The following IFNAR1 variants were observed in gnomAD, a reference collection of about 807,000 sequenced individuals.
IFNAR1 encodes interferon alpha and beta receptor subunit 1, also known as interferon alpha/beta receptor 1.
Under a neutral mutation model 62.1 loss-of-function variants are expected in IFNAR1, and 47 were observed. That is an observed-to-expected ratio of 0.76 (90% CI 0.60 to 0.97). The LOEUF (loss-of-function observed/expected upper bound fraction) is 0.97. Ranked by LOEUF, IFNAR1 falls within the 50% of genes least tolerant of loss-of-function variation. The pLI, the probability that IFNAR1 is intolerant of heterozygous loss-of-function variation, is 0.00. For missense variants in IFNAR1, 638 were observed against 654.5 expected, an observed-to-expected ratio of 0.97 and a Z score of 0.27; for synonymous variants, 219 against 226.9, an observed-to-expected ratio of 0.97 and a Z score of 0.31.
In IFNAR1 at chr21:33,355,547, T is replaced by C. The variant is rs1295768901; in HGVS notation, c.1672T>C (p.Ter558ArgextTer48). The C allele has an allele frequency of 6.5e-7, 1 of 1,528,154 alleles. No individual in the cohort carries two copies. Among genetic ancestry groups the C allele is most frequent in the Non-Finnish European group, 8.9e-7 (1 of 1,118,504 alleles). 94.7% of individuals were successfully genotyped at this position (1,528,154 alleles called of 1,614,324 possible). A position where few individuals can be genotyped will look rare whatever the true frequency, so the allele number is the denominator to read the frequency against. The change falls in exon 11 of 11, where the codon TGA becomes CGA. Residue 558 changes from the stop codon to arginine (R), a stop_lost. Coordinates refer to ENST00000270139, the MANE Select transcript of IFNAR1 (RefSeq NM_000629.3). ...TGAAGAACTACAGCAGGACTTTGTA[T>C]GACCAGAAATGAACTGTGTCAAGTA... Reference protein sequence around the residue: ...TSEELQQDFV* With the variant: ...TSEELQQDFVR
At chr21:33,338,385 TTC>T (rs201994239) in intron 2 of IFNAR1, among the ~76,000 whole-genome samples, 1 of 78 alleles carries the variant, frequency 0.013, no homozygotes, top group African/African-American at 0.038. Context: ...ATACAAAAAC[TTC>T]AGCCGGATGT....
intron 3 of IFNAR1, among the ~76,000 whole-genome samples, chr21:33,342,571 G>A (rs1448573393): frequency 2.0e-5 from 3 of 151,862 alleles, no homozygotes; most frequent in Non-Finnish European, 4.4e-5. Context: ...TTGGCCAGGC[G>A]CGGTGGCTCA....
At chr21:33,335,493 A>G (rs765247109) in intron 1 of IFNAR1, 31 bp from the exon 2 acceptor site, 3 of 1,343,554 alleles carry the variant, frequency 2.2e-6, no homozygotes, top group South Asian at 1.2e-5. Flanking sequence ...CAGTTTGTAT[A>G]TAATGTTCTT....
At chr21:33,330,749 G>A (rs889487348) in intron 1 of IFNAR1, among the ~76,000 whole-genome samples, 1 of 152,186 alleles carries the variant, frequency 6.6e-6, no homozygotes, top group African/African-American at 2.4e-5. Flanking sequence ...CATGGAGAAT[G>A]GGAGGAAATG....
rs1017624258 is a variant in IFNAR1 at position 33,338,748 on chromosome 21, G to GT, written c.201-2239dup. Among the ~76,000 whole-genome samples, 146 of 144,434 alleles carry GT rather than the reference G, an allele frequency of 1.0e-3. 1 individual carries two copies. Among genetic ancestry groups the GT allele is most frequent in the Middle Eastern group, 7.1e-3 (2 of 280 alleles). 94.8% of individuals were successfully genotyped at this position (144,434 alleles called of 152,430 possible). A position where few individuals can be genotyped will look rare whatever the true frequency, so the allele number is the denominator to read the frequency against. On this transcript the variant is annotated intron_variant, in intron 2 of 10. Transcript: ENST00000270139. ...TATGATAATAGTTTTTTTGTTGTTG[G>GT]TTTTTTTTTTTTGAGACGGAGTCTT...
At chr21:33,332,076 T>C (rs564244600) in intron 1 of IFNAR1, among the ~76,000 whole-genome samples, 4 of 152,278 alleles carry the variant, frequency 2.6e-5, no homozygotes, top group East Asian at 3.9e-4. Flanking sequence ...TACCTTCATC[T>C]GGAATCAAGA....
chr21:33,352,605 AAAAAAC>A (rs2083408865), intron 8 of IFNAR1, among the ~76,000 whole-genome samples, 147 bp from the exon 9 acceptor site: 1 of 150,380 alleles, frequency 6.6e-6, no homozygotes, highest in African/African-American at 2.5e-5. Context: ...TGTCTCACAA[AAAAAAC>A]AAAACAAAAC....
chr21:33,331,121 G>A (rs181146879), intron 1 of IFNAR1, among the ~76,000 whole-genome samples: 50 of 152,294 alleles, frequency 3.3e-4, no homozygotes, highest in Admixed American at 1.1e-3. Context: ...TAAACTTTAA[G>A]CAGCTGTTAC....
intron 5 of IFNAR1, 63 bp downstream of exon 5, chr21:33,343,739 T>C: frequency 8.9e-7 from 1 of 1,121,844 alleles, no homozygotes; most frequent in African/African-American, 1.6e-5. Context: ...TTTTGGCATC[T>C]TCCCCATATT....
intron 1 of IFNAR1, among the ~76,000 whole-genome samples, chr21:33,331,289 T>C (rs977564967): frequency 6.6e-6 from 1 of 152,106 alleles, no homozygotes; most frequent in Non-Finnish European, 1.5e-5. Context: ...TGAAGTGGTA[T>C]ACGGCATTCC....
chr21:33,351,885 CAG>C (rs1320132784), intron 8 of IFNAR1, among the ~76,000 whole-genome samples: 1 of 151,906 alleles, frequency 6.6e-6, no homozygotes, highest in Non-Finnish European at 1.5e-5. Flanking sequence ...CTTGTACAGA[CAG>C]AGTCTAGCTA....
rs2052651615 is a variant in IFNAR1 at position 33,358,331 on chromosome 21, C to T, written c.*2782C>T. The T allele has an allele frequency of 6.6e-6, 1 of 152,138 alleles. No individual in the cohort carries two copies. The highest frequency in any genetic ancestry group is 2.4e-5 in the African/African-American group (1 of 41,430). 9.4% of individuals were successfully genotyped at this position (152,138 alleles called of 1,614,324 possible). A position where few individuals can be genotyped will look rare whatever the true frequency, so the allele number is the denominator to read the frequency against. On this transcript the variant is annotated 3_prime_UTR_variant, in exon 11 of 11. Transcript: ENST00000270139. Reference sequence around the variant, plus strand: ...CTGAACAGAAGTTTACTTAGAAATACCATGCACTTGGGGGTACCAATTAAC... The same window carrying T: ...CTGAACAGAAGTTTACTTAGAAATATCATGCACTTGGGGGTACCAATTAAC...
rs192907116 is a variant in IFNAR1 at position 33,349,079 on chromosome 21, T to C, written c.789-12T>C. 22 of 1,508,116 alleles carry C rather than the reference T, an allele frequency of 1.5e-5. No homozygotes were observed. In the East Asian group the frequency reaches 4.8e-4, roughly 33 times the overall value. The allele number at this position is 1,508,116 out of a possible 1,614,324, so 93.4% of individuals were successfully genotyped here. On this transcript the variant is annotated splice_polypyrimidine_tract_variant and intron_variant, in intron 6 of 10. Transcript: ENST00000270139. ...AATATCTAATGAATTTAAAAAATAT[T>C]TGTCTTAAAAGCGCCTTTTTAAAAA...
At chr21:33,334,880 G>A (rs1176622552) in intron 1 of IFNAR1, 1 of 1,326,056 alleles carries the variant, frequency 7.5e-7, no homozygotes, top group Admixed American at 1.7e-5. Context: ...AGAGGGGAAA[G>A]CTGCTGAGAT....
Position 33,349,139 on chromosome 21 carries a change from A to C in IFNAR1, c.837A>C (p.Gln279His). ...GAAACCATTTGTATAAATGGAAACAAATACCTGACTGTGAAAATGTCAAAA... is the reference window on the plus strand; with the variant it reads ...GAAACCATTTGTATAAATGGAAACACATACCTGACTGTGAAAATGTCAAAA... ...NPGNHLYKWK[Q>H]IPDCENVKTT... is the part of the protein sequence containing the mutation. Residue 279 changes from glutamine (Q) to histidine (H), a missense_variant, in exon 7 of 11, where the codon CAA becomes CAC. By Grantham distance (24) the Gln-to-His change is conservative. Coordinates refer to ENST00000270139, the MANE Select transcript of IFNAR1 (RefSeq NM_000629.3). The C allele has an allele frequency of 6.2e-7, 1 of 1,612,812 alleles. No individual in the cohort carries two copies.
intron 1 of IFNAR1, among the ~76,000 whole-genome samples, chr21:33,330,257 G>C (rs918004449): frequency 2.0e-5 from 3 of 152,088 alleles, no homozygotes; most frequent in African/African-American, 4.8e-5. Flanking sequence ...AGAGATGGGC[G>C]GTTGTTGTTG....
intron 1 of IFNAR1, among the ~76,000 whole-genome samples, chr21:33,332,762 G>A (rs562402852): frequency 1.6e-4 from 25 of 152,104 alleles, no homozygotes; most frequent in African/African-American, 5.1e-4. Flanking sequence ...TAACAGACTT[G>A]GTAAAGCAGA....
At position 33,353,641 on chromosome 21, in the gene IFNAR1, A is replaced by T; in HGVS notation, c.1298A>T (p.Asn433Ile). Residue 433 changes from asparagine (N) to isoleucine (I), a missense_variant, in exon 10 of 11, where the codon AAT (asparagine) becomes ATT (isoleucine). Asn to Ile is a moderately radical substitution (Grantham distance 149). Transcript: ENST00000270139. ...DAVCEKTKPG[N>I]TSKIWLIVGI... ...AATATCACGTATATCTTTTTAGGAA[A>T]TACCTCTAAAATTTGGCTTATAGTT... The T allele has an allele frequency of 6.5e-7, 1 of 1,536,740 alleles. No individual in the cohort carries two copies. The highest frequency in any genetic ancestry group is 8.8e-7 in the Non-Finnish European group (1 of 1,132,924).
intron 6 of IFNAR1, among the ~76,000 whole-genome samples, chr21:33,346,759 A>G (rs1469402199): frequency 6.6e-6 from 1 of 152,218 alleles, no homozygotes; most frequent in Admixed American, 6.5e-5. Context: ...GAAATTGAAA[A>G]TGTAAAGGTG....
Sources: gnomAD v4.1 joint callset for allele counts (sites outside exome capture counted in the v4.1 genomes callset) on GRCh38, gnomAD v4.1.1 for gene constraint, MANE v1.5 for transcripts, NCBI Gene and HGNC (gene_info 2026-07-23, HGNC 2026-07-21) for gene names.